The following TMEM131 variants were observed in gnomAD, a reference collection of about 807,000 sequenced individuals.
The protein encoded by TMEM131 is transmembrane protein 131, also known as 2610524E03Rik.
In TMEM131, 66 loss-of-function variants were observed where a neutral mutation model predicts 211.6. That is an observed-to-expected ratio of 0.31 (90% CI 0.26 to 0.38). TMEM131 has a LOEUF of 0.38. Ranked by LOEUF, TMEM131 falls within the 10% of genes least tolerant of loss-of-function variation. The probability of loss-of-function intolerance (pLI) is 1.00; values close to 1 mark genes in which losing one functional copy is unlikely to be tolerated. For missense variants in TMEM131, 2,036 were observed against 2,299.3 expected, an observed-to-expected ratio of 0.89 and a Z score of 2.34; for synonymous variants, 844 against 841.3, an observed-to-expected ratio of 1.00 and a Z score of -0.06.
chr2:97,995,603 G>C lies in TMEM131; in HGVS notation c.60C>G (p.Ser20=). 8.0e-7 allele frequency: 1 copy of C among 1,251,854 alleles called. No individual in the cohort carries two copies. The highest frequency in any genetic ancestry group is 1.0e-6 in the Non-Finnish European group (1 of 998,854). The allele number at this position is 1,251,854 out of a possible 1,614,324, so 77.5% of individuals were successfully genotyped here. A position where few individuals can be genotyped will look rare whatever the true frequency, so the allele number is the denominator to read the frequency against. Residue 20 remains serine, a synonymous_variant, in exon 1 of 41, where the codon TCC becomes TCG. Transcript: ENST00000186436. ...TGATTAAVST[S]AGAGLEPAAA... is the part of the protein sequence containing the mutation. ...CCGCAGGTTCCAGCCCGGCCCCGGC[G>C]GACGTGGAGACGGCGGCGGTGGTGG...
intron 11 of TMEM131, among the ~76,000 whole-genome samples, chr2:97,819,302 G>A (rs1403363844): frequency 6.6e-6 from 1 of 152,220 alleles, no homozygotes; most frequent in Non-Finnish European, 1.5e-5. Context: ...AGCCCACAGG[G>A]ATGTTCAGCT....
intron 35 of TMEM131, 100 bp from the exon 36 acceptor site, chr2:97,762,300 C>A: frequency 8.1e-7 from 1 of 1,232,194 alleles, no homozygotes; most frequent in East Asian, 2.4e-5. Flanking sequence ...AACTCAAGCC[C>A]TTCTACAAAG....
intron 4 of TMEM131, among the ~76,000 whole-genome samples, chr2:97,860,707 G>C (rs984905174): frequency 1.3e-5 from 2 of 152,188 alleles, no homozygotes; most frequent in African/African-American, 4.8e-5. Context: ...TGGAAGGGCA[G>C]GGCATGATGG....
At chr2:97,889,069 A>T (rs1299202336) in intron 3 of TMEM131, among the ~76,000 whole-genome samples, 1 of 152,264 alleles carries the variant, frequency 6.6e-6, no homozygotes, top group Non-Finnish European at 1.5e-5. Context: ...AGACAAGGAC[A>T]TTCATAATAT....
intron 33 of TMEM131, among the ~76,000 whole-genome samples, chr2:97,769,520 G>A (rs1679361535): frequency 6.6e-6 from 1 of 152,194 alleles, no homozygotes; most frequent in African/African-American, 2.4e-5. Flanking sequence ...TTTTCTGAGT[G>A]CTGACAGGTC....
chr2:97,986,791 G>A (rs1573656953), intron 1 of TMEM131, among the ~76,000 whole-genome samples: 1 of 152,156 alleles, frequency 6.6e-6, no homozygotes, highest in South Asian at 2.1e-4. Flanking sequence ...ATCCATAGAA[G>A]CATTTCTAAA....
intron 1 of TMEM131, among the ~76,000 whole-genome samples, chr2:97,980,542 T>G (rs1442338897): frequency 1.3e-5 from 2 of 152,192 alleles, no homozygotes; most frequent in Non-Finnish European, 2.9e-5. Flanking sequence ...ACAGCTACCA[T>G]AGGATCCAGA....
intron 35 of TMEM131, chr2:97,763,949 A>G (rs1019122273): frequency 6.6e-6 from 1 of 152,252 alleles, no homozygotes; most frequent in African/African-American, 2.4e-5. Context: ...CTGCAATTAG[A>G]GAACGTTTTG....
In TMEM131 at chr2:97,766,551, A is replaced by T. The variant is rs559966387; in HGVS notation, c.4500T>A (p.Asn1500Lys). 3.5e-5 allele frequency: 56 copies of T among 1,613,940 alleles called. 1 individual carries two copies. In the South Asian group the frequency reaches 5.9e-4, roughly 17 times the overall value. The change falls in exon 34 of 41, where the codon AAT becomes AAA. Residue 1500 changes from asparagine (N) to lysine (K), a missense_variant. Physicochemically the swap from Asn to Lys is moderately conservative, Grantham distance 94. Transcript: ENST00000186436. ...TTGGAAGAGGAATCTTGCTTGGGAG[A>T]TTTCTACGTTGCTTACTTTCCAAAG... ...TPPLESKQRR[N>K]LPSKIPLPTA... is the part of the protein sequence containing the mutation.
chr2:97,820,649 G>A (rs747804053), intron 11 of TMEM131, among the ~76,000 whole-genome samples: 3 of 152,088 alleles, frequency 2.0e-5, no homozygotes, highest in Non-Finnish European at 4.4e-5. Context: ...ATGAGGTCAG[G>A]AGTTCAAGAC....
At chr2:97,760,362 C>T in intron 38 of TMEM131, 2 of 560,770 alleles carry the variant, frequency 3.6e-6, no homozygotes, top group Non-Finnish European at 6.4e-6. Flanking sequence ...CTGGCTGAGA[C>T]AGGCATGGGT....
At position 97,757,306 on chromosome 2, in the gene TMEM131, G is replaced by A. The variant is rs751921563; in HGVS notation, c.5445C>T (p.Ser1815=). ...SSSIWSSNLS[S]ALPFTTPANT... is the part of the protein sequence containing the mutation. ...TTGCTGGAGTGGTGAAGGGAAGGGCGCTGCTAAGGTTGCTGGACCAAATGG... is the reference window on the plus strand; with the variant it reads ...TTGCTGGAGTGGTGAAGGGAAGGGCACTGCTAAGGTTGCTGGACCAAATGG... The change falls in exon 41 of 41, where the codon AGC becomes AGT. Residue 1815 remains serine, a synonymous_variant. Coordinates refer to ENST00000186436, the MANE Select transcript of TMEM131 (RefSeq NM_015348.2). 8.1e-6 allele frequency: 13 copies of A among 1,613,912 alleles called. No individual in the cohort carries two copies. The South Asian group carries it at 8.8e-5, about 11-fold the overall frequency.
intron 1 of TMEM131, among the ~76,000 whole-genome samples, chr2:97,973,294 C>A (rs1679388173): frequency 6.6e-6 from 1 of 152,148 alleles, no homozygotes; most frequent in African/African-American, 2.4e-5. Context: ...CCTGAAGCAA[C>A]CAGAAACTCA....
At chr2:97,819,140 C>T (rs1346264119) in intron 11 of TMEM131, among the ~76,000 whole-genome samples, 2 of 152,180 alleles carry the variant, frequency 1.3e-5, no homozygotes, top group Non-Finnish European at 2.9e-5. Flanking sequence ...TAAACATGAA[C>T]TTGGAAGCTG....
intron 2 of TMEM131, among the ~76,000 whole-genome samples, chr2:97,909,747 G>C (rs1052631137): frequency 6.6e-6 from 1 of 152,162 alleles, no homozygotes; most frequent in African/African-American, 2.4e-5. Context: ...ACTAGGTAAA[G>C]TGTAAGGGTG....
In TMEM131 at chr2:97,917,771, C is replaced by G. The variant is rs1051661720; in HGVS notation, c.250-9073G>C. On this transcript the variant is annotated intron_variant, in intron 2 of 40. Coordinates refer to ENST00000186436, the MANE Select transcript of TMEM131 (RefSeq NM_015348.2). ...CATGGGAGTAACCGCCGCCATGATTCAATTACCTCCCAGCAGGTTCTAGCA... is the reference window on the plus strand; with the variant it reads ...CATGGGAGTAACCGCCGCCATGATTGAATTACCTCCCAGCAGGTTCTAGCA... Among the ~76,000 whole-genome samples the G allele has an allele frequency of 2.6e-5, 4 of 152,272 alleles. No individual in the cohort carries two copies. In the East Asian group the frequency reaches 7.7e-4, roughly 29 times the overall value.
chr2:97,918,595 T>TAAC (rs759450965), intron 2 of TMEM131, among the ~76,000 whole-genome samples: 7 of 151,848 alleles, frequency 4.6e-5, no homozygotes, highest in Admixed American at 6.6e-5. Context: ...CCAATTTCAT[T>TAAC]AACAACAACA....
intron 25 of TMEM131, among the ~76,000 whole-genome samples, chr2:97,800,007 T>C (rs374696487): frequency 5.8e-4 from 89 of 152,360 alleles, no homozygotes; most frequent in African/African-American, 2.0e-3. Context: ...TAGGTAGTTT[T>C]CATTTTTGAT....
chr2:97,768,372 G>A (rs948396596), intron 33 of TMEM131, among the ~76,000 whole-genome samples: 3 of 152,222 alleles, frequency 2.0e-5, no homozygotes, highest in African/African-American at 4.8e-5. Flanking sequence ...GGTGGTGGAG[G>A]TGGTGTGGGT....
Sources: gnomAD v4.1 joint callset for allele counts (sites outside exome capture counted in the v4.1 genomes callset) on GRCh38, gnomAD v4.1.1 for gene constraint, MANE v1.5 for transcripts, NCBI Gene and HGNC (gene_info 2026-07-23, HGNC 2026-07-21) for gene names.